The following COL4A1 variants were observed in gnomAD, a reference collection of about 807,000 sequenced individuals.
COL4A1 encodes the protein collagen type IV alpha 1 chain, also known as collagen alpha-1(IV) chain.
COL4A1 carries 40 observed loss-of-function variants against 216.6 expected under a neutral mutation model. That is an observed-to-expected ratio of 0.18 (90% CI 0.14 to 0.24). COL4A1 has a LOEUF of 0.24. Ranked by LOEUF, COL4A1 falls within the 10% of genes least tolerant of loss-of-function variation. COL4A1 has a pLI of 1.00. For missense variants in COL4A1, 1,628 were observed against 2,196.8 expected, an observed-to-expected ratio of 0.74 and a Z score of 5.18; for synonymous variants, 839 against 810.7, an observed-to-expected ratio of 1.03 and a Z score of -0.59.
intron 24 of COL4A1, chr13:110,191,411 T>A: frequency 2.6e-6 from 1 of 377,718 alleles, no homozygotes; most frequent in Non-Finnish European, 4.7e-6. Context: ...CTCGCAAAGC[T>A]CAGAAGAACA....
chr13:110,183,900 T>A (rs1878290570), intron 26 of COL4A1, among the ~76,000 whole-genome samples: 1 of 152,162 alleles, frequency 6.6e-6, no homozygotes. Context: ...GGTTTCGCTG[T>A]TAAGAAAGGA....
chr13:110,237,807 C>T (rs752616178), intron 2 of COL4A1, among the ~76,000 whole-genome samples: 29 of 152,130 alleles, frequency 1.9e-4, no homozygotes, highest in African/African-American at 4.1e-4. Flanking sequence ...GGACATACAC[C>T]GATTGTGTCA....
intron 49 of COL4A1, among the ~76,000 whole-genome samples, chr13:110,156,597 A>G (rs1876798316): frequency 6.6e-6 from 1 of 152,198 alleles, no homozygotes; most frequent in South Asian, 2.1e-4. Context: ...CTGCACCAGA[A>G]ACACATTAAA....
chr13:110,200,948 T>G (rs866321361), intron 19 of COL4A1, 59 bp from the exon 20 acceptor site: 1 of 1,554,736 alleles, frequency 6.4e-7, no homozygotes, highest in African/African-American at 1.4e-5. Context: ...TGTATACACT[T>G]CTTATTTCTC....
intron 1 of COL4A1, among the ~76,000 whole-genome samples, chr13:110,252,662 T>TATATATACATATATACATATAATAC (rs1882184220): frequency 7.0e-6 from 1 of 143,486 alleles, no homozygotes. Context: ...TGTATATATG[T>TATATATACATATATACATATAATAC]ATATATACAT....
chr13:110,255,368 G>A (rs187297758), intron 1 of COL4A1, among the ~76,000 whole-genome samples: 27 of 151,070 alleles, frequency 1.8e-4, no homozygotes, highest in African/African-American at 5.8e-4. Context: ...TTGCAAGGAC[G>A]TCCTTGCCCT....
rs552374471 is a variant in COL4A1 at position 110,203,240 on chromosome 13, C to CTAA, written c.999+323_999+325dup. Among the ~76,000 whole-genome samples, 283 of 152,110 alleles carry CTAA rather than the reference C, an allele frequency of 1.9e-3. 4 individuals carry two copies. Among genetic ancestry groups the CTAA allele is most frequent in the African/African-American group, 6.5e-3 (270 of 41,492 alleles). On this transcript the variant is annotated intron_variant, in intron 18 of 51. Transcript: ENST00000375820. ...AAAAAAAAAGGAGTCAAATATGTTG[C>CTAA]TAATATTCTCATTCATGTGCAAACC...
chr13:110,209,375 AT>A lies in COL4A1; in HGVS notation c.651+16del, dbSNP rs776138958. ...TTATACTAATGCCAAAGAACAAAAA[AT>A]GAAAAGAACTTTTACCTTTTCACCT... On this transcript the variant is annotated intron_variant, in intron 11 of 51. Transcript: ENST00000375820. 3.1e-6 allele frequency: 5 copies of A among 1,611,526 alleles called. No homozygotes were observed. The Admixed American group carries it at 8.3e-5, about 27-fold the overall frequency.
At chr13:110,214,101 A>AT in intron 2 of COL4A1, 86 bp from the exon 3 acceptor site, 2 of 1,103,094 alleles carry the variant, frequency 1.8e-6, no homozygotes, top group Non-Finnish European at 2.8e-6. Context: ...GGCTATATAT[A>AT]TATTTTTTTT....
At chr13:110,293,227 A>G (rs1884154697) in intron 1 of COL4A1, among the ~76,000 whole-genome samples, 1 of 152,150 alleles carries the variant, frequency 6.6e-6, no homozygotes, top group African/African-American at 2.4e-5. Flanking sequence ...GGTGTGTAGG[A>G]CTGTGGCACC....
In COL4A1 at chr13:110,207,930, C is replaced by T. The variant is rs1218861464; in HGVS notation, c.694-441G>A. Among the ~76,000 whole-genome samples, 3 of 152,176 alleles carry T rather than the reference C, an allele frequency of 2.0e-5. No homozygotes were observed. The highest frequency in any genetic ancestry group is 1.9e-4 in the East Asian group (1 of 5,186). On this transcript the variant is annotated intron_variant, in intron 12 of 51. Transcript: ENST00000375820. This position sits in a 1 kb window ranked among gnomAD's most constrained non-coding sequence, Gnocchi z 4.4. ...CCTCGGGCATCCTAACTGCCGGGTA[C>T]GCCTAAAAATTACAACTGCATACAT... is the stretch of plus-strand genomic sequence containing the variant.
chr13:110,172,674 C>T, intron 41 of COL4A1, 46 bp downstream of exon 41: 10 of 1,573,276 alleles, frequency 6.4e-6, no homozygotes, highest in Non-Finnish European at 8.8e-6. Flanking sequence ...GCTAATCAGG[C>T]AGCAGCGGTT....
chr13:110,163,360 GATATATC>G (rs2139147234), intron 47 of COL4A1, 96 bp downstream of exon 47: 1 of 925,880 alleles, frequency 1.1e-6, no homozygotes, highest in South Asian at 1.4e-5. Context: ...TCTGTCAAGT[GATATATC>G]CAACTTCATT....
rs1277435955 is a variant in COL4A1 at position 110,240,359 on chromosome 13, G to C, written c.144+2316C>G. On this transcript the variant is annotated intron_variant, in intron 2 of 51. Coordinates refer to ENST00000375820, the MANE Select transcript of COL4A1 (RefSeq NM_001845.6). ...GGAAACCTGGCTAAGGCCACACAAG[G>C]AGGGGAGCAGGATCCTGCTCCTTCC... Among the ~76,000 whole-genome samples, 3 of 152,354 alleles carry C rather than the reference G, an allele frequency of 2.0e-5. No individual in the cohort carries two copies. In the East Asian group the frequency reaches 5.8e-4, roughly 29 times the overall value.
intron 15 of COL4A1, among the ~76,000 whole-genome samples, chr13:110,205,745 C>T (rs1879480008): frequency 1.3e-5 from 2 of 151,972 alleles, no homozygotes; most frequent in African/African-American, 4.8e-5. Flanking sequence ...TACCTGTAGT[C>T]CCACCTACTT....
At position 110,176,652 on chromosome 13, in the gene COL4A1, C is replaced by G; in HGVS notation, c.2942G>C (p.Gly981Ala). 1 of 1,614,192 alleles carries G rather than the reference C, an allele frequency of 6.2e-7. No individual in the cohort carries two copies. Among genetic ancestry groups the G allele is most frequent in the Non-Finnish European group, 8.5e-7 (1 of 1,180,028 alleles). The change falls in exon 35 of 52, where the codon GGG becomes GCG. Residue 981 changes from glycine (G) to alanine (A), a missense_variant. Gly to Ala is a moderately conservative substitution (Grantham distance 60). Around this residue, in one of 8 missense-constraint regions of COL4A1, gnomAD observed 58 missense variants for 132.5 expected, o/e 0.44. Transcript: ENST00000375820. ...TGGCTGCCCAGGCTGTCCTGCCTGC[C>G]CGTCCTTTCCAGGCACTCCTGGGGT... is the stretch of plus-strand genomic sequence containing the variant. ...PGTPGVPGKD[G>A]QAGQPGQPGP...
rs112745733 is a variant in COL4A1, at chr13:110,278,290, G to C, written c.84+28654C>G. 5.6e-3 allele frequency among the ~76,000 whole-genome samples: 859 copies of C among 152,264 alleles called. 12 individuals carry two copies. Among genetic ancestry groups the C allele is most frequent in the African/African-American group, 0.02 (819 of 41,544 alleles). ...TAGCTTTTTCCACAATGTATTCACA[G>C]AATTTTTATGAGCCCATCTGACATT... On this transcript the variant is annotated intron_variant, in intron 1 of 51. Transcript: ENST00000375820.
chr13:110,282,914 T>C (rs1883692223), intron 1 of COL4A1, among the ~76,000 whole-genome samples: 1 of 152,258 alleles, frequency 6.6e-6, no homozygotes, highest in South Asian at 2.1e-4. Context: ...ATCGGAACAT[T>C]GCCCTCTCCA....
intron 15 of COL4A1, among the ~76,000 whole-genome samples, chr13:110,206,021 T>C (rs1879498576): frequency 6.6e-6 from 1 of 151,134 alleles, no homozygotes; most frequent in Admixed American, 6.6e-5. Context: ...TTGTATATGA[T>C]GAATAATTAT....
Sources: allele counts gnomAD v4.1 joint callset (sites outside exome capture counted in the v4.1 genomes callset), GRCh38; gene constraint gnomAD v4.1.1; regional missense constraint gnomAD v4.1.1; non-coding constraint Gnocchi (gnomAD v3.1); transcripts MANE v1.5; gene names NCBI Gene and HGNC (gene_info 2026-07-23, HGNC 2026-07-21).